Variants in DNM3 observed in about 807,000 individuals in gnomAD.
DNM3 encodes dynamin-3.
In DNM3, 47 loss-of-function variants were observed where a neutral mutation model predicts 101.6. That is an observed-to-expected ratio of 0.46 (90% CI 0.37 to 0.59). The LOEUF (loss-of-function observed/expected upper bound fraction) is 0.59, where lower values mean the gene tolerates loss of function less well. Among genes scored for constraint, DNM3 ranks in the 20% least tolerant of loss-of-function variants. The pLI is 0.00. For synonymous variants in DNM3, 385 were observed against 387.9 expected (o/e 0.99, Z 0.09); for missense variants, 849 against 1,085.7 (o/e 0.78, Z 3.06).
chr1:172,407,011 G>T (rs1480022656), intron 20 of DNM3, among the ~76,000 whole-genome samples: 1 of 151,848 alleles, frequency 6.6e-6, no homozygotes, highest in African/African-American at 2.4e-5. Flanking sequence ...GAAGCTTGAG[G>T]AATAAATAAG....
intron 14 of DNM3, among the ~76,000 whole-genome samples, chr1:172,228,736 C>T (rs2061228186): frequency 6.6e-6 from 1 of 152,014 alleles, no homozygotes; most frequent in African/African-American, 2.4e-5. Flanking sequence ...TCTATTTCAG[C>T]TTTGTTATAT....
chr1:172,360,184 T>TA (rs1399229841), intron 17 of DNM3, among the ~76,000 whole-genome samples: 1 of 152,062 alleles, frequency 6.6e-6, no homozygotes, highest in African/African-American at 2.4e-5. Flanking sequence ...ATAACTCATT[T>TA]AGCTATCTTT....
downstream of DNM3, among the ~76,000 whole-genome samples, chr1:172,416,264 A>C (rs1457521794): frequency 6.6e-6 from 1 of 152,184 alleles, no homozygotes; most frequent in African/African-American, 2.4e-5. Context: ...AAAAGCCCAA[A>C]TATTTGCAGC....
At chr1:172,027,053 G>A (rs748468885) in intron 4 of DNM3, among the ~76,000 whole-genome samples, 7 of 152,124 alleles carry the variant, frequency 4.6e-5, no homozygotes, top group Non-Finnish European at 8.8e-5. Flanking sequence ...GAGAGATTTT[G>A]TCATCACCAG....
intron 14 of DNM3, among the ~76,000 whole-genome samples, chr1:172,176,569 C>T (rs1055591492): frequency 4.0e-5 from 6 of 151,818 alleles, no homozygotes; most frequent in Non-Finnish European, 7.4e-5. Flanking sequence ...ATTACAGTTC[C>T]AGTCAGGAGC....
intron 12 of DNM3, among the ~76,000 whole-genome samples, chr1:172,092,534 C>G (rs538821384): frequency 2.6e-5 from 4 of 152,274 alleles, no homozygotes; most frequent in Non-Finnish European, 5.9e-5. Flanking sequence ...CTCCTCTGTA[C>G]CTGTGAGACA....
chr1:172,060,096 A>G, intron 10 of DNM3, among the ~76,000 whole-genome samples: 1 of 151,238 alleles, frequency 6.6e-6, no homozygotes. Flanking sequence ...CCCATTCACA[A>G]TTGCTTCAAA....
intron 4 of DNM3, among the ~76,000 whole-genome samples, chr1:171,990,196 C>G (rs1489072540): frequency 6.6e-6 from 1 of 152,036 alleles, no homozygotes; most frequent in African/African-American, 2.4e-5. Flanking sequence ...TTGTCTGAAT[C>G]TATTGTTTTC....
At chr1:172,134,112 T>C (rs938525701) in intron 14 of DNM3, among the ~76,000 whole-genome samples, 1 of 152,122 alleles carries the variant, frequency 6.6e-6, no homozygotes, top group East Asian at 1.9e-4. Flanking sequence ...ACTCTGACCA[T>C]GGTCCAGGCA....
chr1:171,920,934 CT>C (rs1172788593), intron 1 of DNM3, among the ~76,000 whole-genome samples: 3 of 151,538 alleles, frequency 2.0e-5, no homozygotes, highest in Non-Finnish European at 4.4e-5. Flanking sequence ...TTTATGTGTC[CT>C]TTTTTTTAGA....
chr1:172,283,793 A>AAAGAAAGAAAGAAAAC (rs1224506700), intron 15 of DNM3, among the ~76,000 whole-genome samples: 1 of 149,476 alleles, frequency 6.7e-6, no homozygotes, highest in Non-Finnish European at 1.5e-5. Context: ...AGAAAGAAAG[A>AAAGAAAGAAAGAAAAC]AAGAAAACCA....
intron 2 of DNM3, among the ~76,000 whole-genome samples, chr1:171,977,938 T>G (rs1403109130): frequency 1.3e-5 from 2 of 152,210 alleles, no homozygotes; most frequent in Non-Finnish European, 1.5e-5. Context: ...TGTTTGAAAC[T>G]CTACTTGGAT....
At chr1:171,970,137 A>G (rs1378655773) in intron 2 of DNM3, 5 of 435,250 alleles carry the variant, frequency 1.1e-5, no homozygotes, top group African/African-American at 1.1e-4. Flanking sequence ...TCCTACTGCT[A>G]TTTTCATTTT....
intron 18 of DNM3, among the ~76,000 whole-genome samples, chr1:172,381,604 A>T (rs1016091022): frequency 4.3e-4 from 66 of 152,122 alleles, no homozygotes; most frequent in Admixed American, 2.2e-3. Flanking sequence ...AGAATGCCCA[A>T]GCCTATTTTG....
chr1:172,236,001 A>G (rs1488581920), intron 14 of DNM3, among the ~76,000 whole-genome samples: 1 of 152,194 alleles, frequency 6.6e-6, no homozygotes, highest in African/African-American at 2.4e-5. Context: ...ATAAAAAAAA[A>G]TAAGTAAAAA....
intron 14 of DNM3, among the ~76,000 whole-genome samples, chr1:172,235,787 T>C (rs1011238158): frequency 3.3e-5 from 5 of 152,008 alleles, no homozygotes; most frequent in Admixed American, 2.0e-4. Flanking sequence ...TAGGTGGGAA[T>C]TGAACAATGA....
At chr1:171,896,844 AGT>A (rs2037852623) in intron 1 of DNM3, among the ~76,000 whole-genome samples, 1 of 152,180 alleles carries the variant, frequency 6.6e-6, no homozygotes, top group African/African-American at 2.4e-5. Context: ...TATCCTACCC[AGT>A]GTGAGGATTT....
intron 14 of DNM3, among the ~76,000 whole-genome samples, chr1:172,196,349 A>G (rs896737842): frequency 2.6e-5 from 4 of 152,170 alleles, no homozygotes; most frequent in African/African-American, 2.4e-5. Flanking sequence ...GCTATTGTGT[A>G]TAGTGCTGCA....
chr1:172,354,112 T>TGTGTGTGTGAGAGAGA (rs138540712), intron 17 of DNM3, among the ~76,000 whole-genome samples: 10 of 94,940 alleles, frequency 1.1e-4, no homozygotes, highest in African/African-American at 4.4e-4. Flanking sequence ...TGTGTGTGTG[T>TGTGTGTGTGAGAGAGA]GAGAGAGAGA....
Sources: allele counts gnomAD v4.1 joint callset (sites outside exome capture counted in the v4.1 genomes callset), GRCh38; gene constraint gnomAD v4.1.1; transcripts MANE v1.5; gene names NCBI Gene and HGNC (gene_info 2026-07-23, HGNC 2026-07-21).